Variants in MGST1 observed in about 807,000 individuals in gnomAD.
The protein encoded by MGST1 is microsomal glutathione S-transferase 1.
Under a neutral mutation model 8.9 loss-of-function variants are expected in MGST1, and 5 were observed. That is an observed-to-expected ratio of 0.56 (90% CI 0.29 to 1.19). The LOEUF is 1.19. MGST1 is among the 50% of genes most tolerant of loss of function. The pLI, the probability that MGST1 is intolerant of heterozygous loss-of-function variation, is 0.08. For synonymous variants in MGST1, 54 were observed against 67.8 expected, an observed-to-expected ratio of 0.80 and a Z score of 1.00; for missense variants, 182 against 187.4, an observed-to-expected ratio of 0.97 and a Z score of 0.17.
intron 4 of MGST1, among the ~76,000 whole-genome samples, chr12:16,495,890 A>G (rs1156811073): frequency 6.6e-6 from 1 of 152,150 alleles, no homozygotes; most frequent in Non-Finnish European, 1.5e-5. Flanking sequence ...ACTTCAAGGT[A>G]AAGCATTTGT....
rs71054820 is a variant in MGST1, at chr12:16,479,535, C to CTTTTTTTTTTTTTT, written n.482+95934_482+95947dup. Among the ~76,000 whole-genome samples the CTTTTTTTTTTTTTT allele has an allele frequency of 1.8e-3, 208 of 113,064 alleles. 12 individuals are homozygous for CTTTTTTTTTTTTTT. The highest frequency in any genetic ancestry group is 7.6e-3 in the African/African-American group (197 of 26,010). 74.2% of individuals were successfully genotyped at this position (113,064 alleles called of 152,430 possible). ...AGGCGTGAGCCACTGCGCCCGGCCT[C>CTTTTTTTTTTTTTT]TTTTTTTTTTTTTTTTGAGACAGGG... On this transcript the variant is annotated intron_variant and non_coding_transcript_variant, in intron 4 of 4. Transcript: ENST00000538857.
At chr12:16,372,056 T>C (rs1940302308) in intron 3 of MGST1, among the ~76,000 whole-genome samples, 1 of 151,982 alleles carries the variant, frequency 6.6e-6, no homozygotes. Flanking sequence ...AAAGCTTAAA[T>C]CTAAGACCTG....
At chr12:16,464,493 C>G (rs922997807) in intron 4 of MGST1, among the ~76,000 whole-genome samples, 5 of 152,270 alleles carry the variant, frequency 3.3e-5, no homozygotes, top group Non-Finnish European at 2.9e-5. Flanking sequence ...CATAATTAGC[C>G]ATGGGCTGTG....
At chr12:16,379,825 G>T (rs1429594830), downstream of MGST1, among the ~76,000 whole-genome samples, 1 of 152,142 alleles carries the variant, frequency 6.6e-6, no homozygotes, top group Admixed American at 6.5e-5. Context: ...CAATTTCAGA[G>T]CCTGTTATTG....
rs144416440 is a variant in MGST1 at position 16,500,289 on chromosome 12, G to C, written n.483-89239G>C. 6.6e-6 allele frequency among the ~76,000 whole-genome samples: 1 copy of C among 152,150 alleles called. No individual in the cohort carries two copies. Among genetic ancestry groups the C allele is most frequent in the Non-Finnish European group, 1.5e-5 (1 of 68,030 alleles). On this transcript the variant is annotated intron_variant and non_coding_transcript_variant, in intron 4 of 4. Transcript: ENST00000538857. The surrounding 1 kb of genome is among the most constrained non-coding windows in gnomAD (Gnocchi z 4.3). Reference sequence around the variant, plus strand: ...AATGAAGCAAAGTGTAACTACGATAGTTGGAAAATATAAAATATTTGGCTG... The same window carrying C: ...AATGAAGCAAAGTGTAACTACGATACTTGGAAAATATAAAATATTTGGCTG...
intron 4 of MGST1, among the ~76,000 whole-genome samples, chr12:16,523,986 C>T (rs943564706): frequency 2.0e-5 from 3 of 152,070 alleles, no homozygotes; most frequent in African/African-American, 7.2e-5. Context: ...TCTTGTCCTA[C>T]TAAGTTACAA....
At chr12:16,374,443 A>G (rs2137028774) in intron 3 of MGST1, among the ~76,000 whole-genome samples, 1 of 152,228 alleles carries the variant, frequency 6.6e-6, no homozygotes, top group African/African-American at 2.4e-5. Context: ...TGCCACACAA[A>G]CAAAATTTAA....
At chr12:16,472,120 A>G (rs999112755) in intron 4 of MGST1, among the ~76,000 whole-genome samples, 3 of 152,150 alleles carry the variant, frequency 2.0e-5, no homozygotes, top group African/African-American at 7.2e-5. Context: ...CACATAAATT[A>G]TACCCATTCT....
chr12:16,558,864 ATTATTTCAT>A (rs1454500968), intron 4 of MGST1, among the ~76,000 whole-genome samples: 1 of 152,184 alleles, frequency 6.6e-6, no homozygotes, highest in Non-Finnish European at 1.5e-5. Flanking sequence ...ATATAAATTA[ATTATTTCAT>A]TTAAGTTTCA....
intron 1 of MGST1, among the ~76,000 whole-genome samples, chr12:16,423,383 T>G (rs1940854733): frequency 6.6e-6 from 1 of 152,148 alleles, no homozygotes; most frequent in Non-Finnish European, 1.5e-5. Flanking sequence ...GATTTTAAAG[T>G]GAAACAAAAA....
chr12:16,360,318 G>A, intron 3 of MGST1: 1 of 984,354 alleles, frequency 1.0e-6, no homozygotes, highest in Non-Finnish European at 1.2e-6. Context: ...AAGCTGTTAC[G>A]ATTAGCATAT....
At chr12:16,540,866 C>A (rs145662354) in intron 4 of MGST1, among the ~76,000 whole-genome samples, 1 of 152,112 alleles carries the variant, frequency 6.6e-6, no homozygotes, top group Non-Finnish European at 1.5e-5. Flanking sequence ...GCCGAGACAG[C>A]GCCACTGCAC....
chr12:16,390,209 A>G (rs1940539332), intron 1 of MGST1, among the ~76,000 whole-genome samples: 1 of 152,348 alleles, frequency 6.6e-6, no homozygotes, highest in Admixed American at 6.5e-5. Context: ...GAAAAAAAAA[A>G]AGAACAATTT....
At chr12:16,541,888 G>T (rs1941795452) in intron 4 of MGST1, among the ~76,000 whole-genome samples, 1 of 152,150 alleles carries the variant, frequency 6.6e-6, no homozygotes, top group Admixed American at 6.5e-5. Context: ...TTGACTACAT[G>T]TAACAGAAAC....
At chr12:16,523,137 T>A (rs1424742669) in intron 4 of MGST1, among the ~76,000 whole-genome samples, 2 of 152,086 alleles carry the variant, frequency 1.3e-5, no homozygotes, top group East Asian at 3.9e-4. Context: ...AAACAATCTG[T>A]CAGTTCTATC....
intron 4 of MGST1, among the ~76,000 whole-genome samples, chr12:16,508,434 A>G (rs2137176379): frequency 1.3e-5 from 2 of 152,284 alleles, no homozygotes; most frequent in South Asian, 4.1e-4. Flanking sequence ...AGAATTTTAG[A>G]ACTCACGGGG....
At chr12:16,592,603 G>A (rs1943528392), downstream of MGST1, among the ~76,000 whole-genome samples, 1 of 151,894 alleles carries the variant, frequency 6.6e-6, no homozygotes. Context: ...TAAAGGAACA[G>A]GTACTGATCC....
At chr12:16,431,242 C>A (rs1307758216) in intron 1 of MGST1, among the ~76,000 whole-genome samples, 1 of 152,198 alleles carries the variant, frequency 6.6e-6, no homozygotes, top group Non-Finnish European at 1.5e-5. Flanking sequence ...ACCACTAAAA[C>A]TTTCTCCATA....
chr12:16,473,538 T>G (rs1034241072), intron 4 of MGST1, among the ~76,000 whole-genome samples: 3 of 152,204 alleles, frequency 2.0e-5, no homozygotes, highest in African/African-American at 7.2e-5. Flanking sequence ...TAGCCATTTT[T>G]TTGTTGTTTT....
Sources: allele counts gnomAD v4.1 joint callset (sites outside exome capture counted in the v4.1 genomes callset), GRCh38; gene constraint gnomAD v4.1.1; non-coding constraint Gnocchi (gnomAD v3.1); transcripts MANE v1.5; gene names NCBI Gene and HGNC (gene_info 2026-07-23, HGNC 2026-07-21).